The following SLC4A4 variants were observed in gnomAD, a reference collection of about 807,000 sequenced individuals.
SLC4A4 encodes electrogenic sodium bicarbonate cotransporter 1.
In SLC4A4, 27 loss-of-function variants were observed where a neutral mutation model predicts 111.5. The observed-to-expected ratio is 0.24, with a 90% confidence interval of 0.18 to 0.33. SLC4A4 has a LOEUF of 0.33. SLC4A4 is among the 10% of genes least tolerant of loss of function. SLC4A4 has a pLI of 1.00. For synonymous variants in SLC4A4, 443 were observed against 463.4 expected (o/e 0.96, Z 0.57); for missense variants, 909 against 1,315.5 (o/e 0.69, Z 4.78).
intron 6 of SLC4A4, among the ~76,000 whole-genome samples, chr4:71,379,990 A>T (rs1228316915): frequency 1.3e-5 from 2 of 152,096 alleles, no homozygotes; most frequent in African/African-American, 4.8e-5. Context: ...ATATTTGTTG[A>T]CTAAATGGAC....
At chr4:71,483,460 T>A (rs1035185023) in intron 14 of SLC4A4, among the ~76,000 whole-genome samples, 1 of 151,920 alleles carries the variant, frequency 6.6e-6, no homozygotes, top group Non-Finnish European at 1.5e-5. Flanking sequence ...TTGCTAAGGA[T>A]AATGGCCTCC....
At chr4:71,497,723 T>C in intron 16 of SLC4A4, 31 bp downstream of exon 16, 3 of 1,546,518 alleles carry the variant, frequency 1.9e-6, no homozygotes, top group Non-Finnish European at 2.7e-6. Flanking sequence ...TGATTTTCAT[T>C]GGATTTACAC....
chr4:71,199,653 T>G (rs560608440), intron 1 of SLC4A4, among the ~76,000 whole-genome samples: 1 of 152,292 alleles, frequency 6.6e-6, no homozygotes, highest in East Asian at 1.9e-4. Flanking sequence ...TTTTTTATTT[T>G]TATTTTTATT....
chr4:71,089,301 AT>A (rs908303883), intron 1 of SLC4A4, among the ~76,000 whole-genome samples: 23 of 151,514 alleles, frequency 1.5e-4, no homozygotes, highest in Non-Finnish European at 3.1e-4. Context: ...CATTTGTCTA[AT>A]TTTTTTTCAA....
chr4:71,233,188 C>T, intron 1 of SLC4A4: 1 of 798,172 alleles, frequency 1.3e-6, no homozygotes, highest in East Asian at 1.3e-4. Context: ...CACTGTAACT[C>T]TAGTGCCTTG....
chr4:71,067,661 G>C (rs1431784798), intron 1 of SLC4A4, among the ~76,000 whole-genome samples: 2 of 152,106 alleles, frequency 1.3e-5, no homozygotes, highest in Non-Finnish European at 2.9e-5. Flanking sequence ...GGATAACCCA[G>C]GCCTAAATAG....
At chr4:71,217,298 T>C (rs1718489616) in intron 1 of SLC4A4, among the ~76,000 whole-genome samples, 1 of 152,222 alleles carries the variant, frequency 6.6e-6, no homozygotes, top group African/African-American at 2.4e-5. Flanking sequence ...CTGGGTGTGG[T>C]GGCTCACGCC....
intron 3 of SLC4A4, among the ~76,000 whole-genome samples, chr4:71,296,373 GA>G (rs1724790403): frequency 6.6e-6 from 1 of 152,088 alleles, no homozygotes; most frequent in Admixed American, 6.5e-5. Context: ...TAGATAAATT[GA>G]CTTGTCTCAT....
At chr4:71,430,854 G>T (rs1301148941) in intron 7 of SLC4A4, among the ~76,000 whole-genome samples, 2 of 152,110 alleles carry the variant, frequency 1.3e-5, no homozygotes, top group Non-Finnish European at 2.9e-5. Context: ...TTTCCAAAAG[G>T]TTTCATCCCT....
At chr4:71,120,999 G>C (rs1050844615) in intron 2 of SLC4A4, among the ~76,000 whole-genome samples, 2 of 152,200 alleles carry the variant, frequency 1.3e-5, no homozygotes, top group African/African-American at 2.4e-5. Flanking sequence ...GTGGGCACGC[G>C]CTCGGTAGGT....
chr4:71,184,533 G>A (rs772467973), upstream of SLC4A4, among the ~76,000 whole-genome samples: 1 of 152,192 alleles, frequency 6.6e-6, no homozygotes, highest in Non-Finnish European at 1.5e-5. Context: ...AGTACAGAGA[G>A]TTGTTGATTA....
intron 2 of SLC4A4, among the ~76,000 whole-genome samples, chr4:71,116,253 C>T (rs937295624): frequency 9.2e-5 from 14 of 152,172 alleles, no homozygotes; most frequent in African/African-American, 3.4e-4. Context: ...TCTTGATTAA[C>T]TCATGTATAT....
rs76028130 is a variant in SLC4A4, at chr4:71,304,801, G to A, written c.254-34569G>A. Among the ~76,000 whole-genome samples, 851 of 152,282 alleles carry A rather than the reference G, an allele frequency of 5.6e-3. 6 individuals carry two copies. The highest frequency in any genetic ancestry group is 9.9e-3 in the Non-Finnish European group (671 of 68,028). ...AATCTCTACTGATTAAAAAGAGATA[G>A]TAAAAGTTGTCTTAGAGGAGTCTTA... On this transcript the variant is annotated intron_variant, in intron 3 of 25. Coordinates refer to ENST00000264485, the MANE Select transcript of SLC4A4 (RefSeq NM_001098484.3).
At chr4:71,196,950 C>T (rs964357113) in intron 1 of SLC4A4, among the ~76,000 whole-genome samples, 1 of 147,330 alleles carries the variant, frequency 6.8e-6, no homozygotes, top group African/African-American at 2.5e-5. Flanking sequence ...CACGGTGGCT[C>T]ACGCATATAA....
intron 2 of SLC4A4, among the ~76,000 whole-genome samples, chr4:71,116,925 A>G (rs1644263266): frequency 6.6e-6 from 1 of 151,512 alleles, no homozygotes; most frequent in Admixed American, 6.6e-5. Context: ...CCTGGGCAAC[A>G]AGAGCGAAAC....
chr4:71,506,787 T>C (rs1247582179), intron 16 of SLC4A4, among the ~76,000 whole-genome samples: 1 of 152,044 alleles, frequency 6.6e-6, no homozygotes, highest in Non-Finnish European at 1.5e-5. Flanking sequence ...TCAAGACACA[T>C]AATCATCAGA....
intron 16 of SLC4A4, among the ~76,000 whole-genome samples, chr4:71,508,962 G>A (rs1473072493): frequency 6.6e-6 from 1 of 152,106 alleles, no homozygotes. Flanking sequence ...TACAAATCAA[G>A]AAATGTGATT....
At chr4:71,098,708 T>C (rs1742630061) in intron 2 of SLC4A4, among the ~76,000 whole-genome samples, 2 of 152,116 alleles carry the variant, frequency 1.3e-5, no homozygotes. Flanking sequence ...GTGGGTTGTC[T>C]TCAAGAGGCC....
In SLC4A4 at chr4:71,179,198, T is replaced by C. The variant is rs1488495590; in HGVS notation, c.-1-57378T>C. 3.3e-5 allele frequency among the ~76,000 whole-genome samples: 5 copies of C among 152,228 alleles called. No individual in the cohort carries two copies. The South Asian group carries it at 6.2e-4, about 19-fold the overall frequency. ...CTCAATAAATTAGGTATTGATGGGA[T>C]GTATCTCAAAATAATAAGAGCTATC... On this transcript the variant is annotated intron_variant, in intron 2 of 26. Transcript: ENST00000649996.
Sources: allele counts gnomAD v4.1 joint callset (sites outside exome capture counted in the v4.1 genomes callset), GRCh38; gene constraint gnomAD v4.1.1; transcripts MANE v1.5; gene names NCBI Gene and HGNC (gene_info 2026-07-23, HGNC 2026-07-21).